Variants in TMED3 observed in about 807,000 individuals in gnomAD.
The protein encoded by TMED3 is transmembrane p24 trafficking protein 3.
Under a neutral mutation model 15.0 loss-of-function variants are expected in TMED3, and 9 were observed. The ratio of observed to expected loss-of-function variants is 0.60; its 90% CI spans 0.36 to 1.04. TMED3 has a LOEUF of 1.04. TMED3 is among the 50% of genes least tolerant of loss of function. The pLI is 0.01. For missense variants in TMED3, 267 were observed against 278.9 expected (o/e 0.96, Z 0.30); for synonymous variants, 117 against 121.4 (o/e 0.96, Z 0.24).
At chr15:79,376,115 T>G (rs1439720029) in intron 2 of TMED3, among the ~76,000 whole-genome samples, 14 of 91,968 alleles carry the variant, frequency 1.5e-4, no homozygotes, top group Non-Finnish European at 2.6e-4. Context: ...TTTTTTTTTT[T>G]TTTTTTTTTT....
chr15:79,341,195 C>CAAAAAAAA (rs58885572), intron 2 of TMED3, among the ~76,000 whole-genome samples: 1 of 58,340 alleles, frequency 1.7e-5, no homozygotes, highest in Non-Finnish European at 2.8e-5. Context: ...GACCCTGTCT[C>CAAAAAAAA]AAAAAAAAAA....
Position 79,384,198 on chromosome 15 carries a change from C to G in TMED3, c.418-27202C>G, listed in dbSNP as rs138668155. The G allele has an allele frequency of 1.8e-3, 270 of 152,322 alleles. 3 individuals are homozygous for G. Among genetic ancestry groups the G allele is most frequent in the African/African-American group, 6.3e-3 (261 of 41,570 alleles). The allele number at this position is 152,322 out of a possible 1,614,324, so 9.4% of individuals were successfully genotyped here. ...CTTCAACAGTCCAAAACCTCCAGAA[C>G]TCTCTCGAGGCAGTGATTAATACTA... On this transcript the variant is annotated intron_variant, in intron 2 of 2. Transcript: ENST00000424155.
At chr15:79,385,435 G>A (rs980511923) in intron 2 of TMED3, among the ~76,000 whole-genome samples, 2 of 152,166 alleles carry the variant, frequency 1.3e-5, no homozygotes, top group Admixed American at 6.5e-5. Context: ...CCCAGTTGCC[G>A]GTGGCTGGCT....
intron 2 of TMED3, among the ~76,000 whole-genome samples, chr15:79,392,896 G>T (rs1339755571): frequency 6.6e-6 from 1 of 152,198 alleles, no homozygotes; most frequent in Non-Finnish European, 1.5e-5. Context: ...GTTCACTTCT[G>T]ATTCATCCTT....
At chr15:79,339,322 G>A (rs1485132664) in intron 2 of TMED3, among the ~76,000 whole-genome samples, 3 of 152,010 alleles carry the variant, frequency 2.0e-5, no homozygotes, top group African/African-American at 7.3e-5. Context: ...CCTGGCATTC[G>A]GGGCCTCTAC....
chr15:79,313,927 C>T lies in TMED3; in HGVS notation c.339C>T (p.Thr113=), dbSNP rs760976711. The T allele has an allele frequency of 1.8e-5, 29 of 1,614,078 alleles. No homozygotes were observed. Among genetic ancestry groups the T allele is most frequent in the African/African-American group, 5.3e-5 (4 of 74,908 alleles). The change falls in exon 2 of 3, where the codon ACC becomes ACT. Residue 113 remains threonine, a synonymous_variant. Transcript: ENST00000299705. ...SNEFSTFSHK[T]VYFDFQVGDE... ...AGTTTTCCACCTTCTCTCACAAGAC[C>T]GTCTACTTTGACTTTCAAGTGGGCG...
At chr15:79,397,700 A>G (rs1893778528) in intron 2 of TMED3, among the ~76,000 whole-genome samples, 1 of 152,194 alleles carries the variant, frequency 6.6e-6, no homozygotes, top group African/African-American at 2.4e-5. Context: ...TTACATTACT[A>G]CAGTCAATAT....
Position 79,311,414 on chromosome 15 carries a change from C to T in TMED3, c.165C>T (p.Tyr55=), listed in dbSNP as rs752726707. The T allele has an allele frequency of 7.5e-6, 12 of 1,605,996 alleles. No individual in the cohort carries two copies. The highest frequency in any genetic ancestry group is 1.0e-5 in the Non-Finnish European group (12 of 1,176,290). Residue 55 remains tyrosine (Y), a synonymous_variant, in exon 1 of 3, where the codon TAC becomes TAT. Transcript: ENST00000299705. ...AGGGCGTGAAGTTCTCCCTGGATTA[C>T]CAGGTGAGGCCGGGCGCCCGGCAGC... is the stretch of plus-strand genomic sequence containing the variant. ...VEQGVKFSLD[Y]QVITGGHYDV...
intron 2 of TMED3, among the ~76,000 whole-genome samples, chr15:79,393,645 T>C (rs1893725145): frequency 1.3e-5 from 2 of 152,220 alleles, no homozygotes; most frequent in African/African-American, 4.8e-5. Flanking sequence ...CAGCAAATGA[T>C]AAATGCCTAG....
chr15:79,325,524 G>C (rs2058784072), downstream of TMED3, among the ~76,000 whole-genome samples: 1 of 152,138 alleles, frequency 6.6e-6, no homozygotes, highest in Non-Finnish European at 1.5e-5. Context: ...ACGTGTATTA[G>C]GGTTCTCCAG....
At chr15:79,336,470 C>G (rs898041737) in intron 2 of TMED3, among the ~76,000 whole-genome samples, 3 of 152,058 alleles carry the variant, frequency 2.0e-5, no homozygotes, top group Non-Finnish European at 4.4e-5. Context: ...CCAGCCTGGC[C>G]AACATGGTGA....
intron 2 of TMED3, among the ~76,000 whole-genome samples, chr15:79,390,883 G>A (rs574994803): frequency 9.7e-4 from 148 of 152,120 alleles, no homozygotes; most frequent in African/African-American, 3.3e-3. Flanking sequence ...GGTGTTCATA[G>A]TAGCCTTGAA....
At chr15:79,377,231 G>C (rs1893440840) in intron 2 of TMED3, among the ~76,000 whole-genome samples, 1 of 151,324 alleles carries the variant, frequency 6.6e-6, no homozygotes, top group Non-Finnish European at 1.5e-5. Context: ...TGTCATCCTA[G>C]GTATTCAAAA....
chr15:79,328,381 A>T (rs2058795116), intron 2 of TMED3, among the ~76,000 whole-genome samples: 1 of 152,242 alleles, frequency 6.6e-6, no homozygotes, highest in African/African-American at 2.4e-5. Context: ...TTATAAAGTA[A>T]TCTTTCAGGC....
rs2141218734 is a variant in TMED3, at chr15:79,322,643, T to A, written c.*429T>A. The A allele has an allele frequency of 1.0e-6, 1 of 991,162 alleles. No homozygotes were observed. Among genetic ancestry groups the A allele is most frequent in the South Asian group, 4.6e-5 (1 of 21,520 alleles). 61.4% of individuals were successfully genotyped at this position (991,162 alleles called of 1,614,324 possible). On this transcript the variant is annotated 3_prime_UTR_variant, in exon 3 of 3. Coordinates refer to ENST00000299705, the MANE Select transcript of TMED3 (RefSeq NM_007364.4). ...AGAAAGGGGCTCTAAGTTCTGGCTCTTCTTTCTTTGGGGTTCTCTGTACCT... is the reference window on the plus strand; with the variant it reads ...AGAAAGGGGCTCTAAGTTCTGGCTCATCTTTCTTTGGGGTTCTCTGTACCT...
chr15:79,411,274 A>C (rs1893975289), intron 2 of TMED3: 1 of 576,464 alleles, frequency 1.7e-6, no homozygotes, highest in Non-Finnish European at 3.2e-6. Flanking sequence ...CAATAAAGGT[A>C]AATTCTTCCA....
Position 79,322,811 on chromosome 15 carries a change from T to C in TMED3, c.*597T>C, listed in dbSNP as rs150656724. The C allele has an allele frequency of 4.9e-4, 481 of 985,518 alleles. 4 individuals are homozygous for C. The African/African-American group carries it at 7.4e-3, about 15-fold the overall frequency. 61.0% of individuals were successfully genotyped at this position (985,518 alleles called of 1,614,324 possible). A position where few individuals can be genotyped will look rare whatever the true frequency, so the allele number is the denominator to read the frequency against. On this transcript the variant is annotated 3_prime_UTR_variant, in exon 3 of 3. Transcript: ENST00000299705. ...TAGGAGGTAGAAAACTGTGGGAAACTGTGGCTAATAAAAACTAAGTGTGAG... is the reference window on the plus strand; with the variant it reads ...TAGGAGGTAGAAAACTGTGGGAAACCGTGGCTAATAAAAACTAAGTGTGAG...
At chr15:79,372,258 G>T (rs552121083) in intron 2 of TMED3, among the ~76,000 whole-genome samples, 4 of 152,324 alleles carry the variant, frequency 2.6e-5, no homozygotes, top group Admixed American at 6.5e-5. Flanking sequence ...CTTTGCCAGG[G>T]TGGAGAATTT....
downstream of TMED3, among the ~76,000 whole-genome samples, chr15:79,325,588 A>C (rs2058784286): frequency 6.6e-6 from 1 of 152,172 alleles, no homozygotes; most frequent in African/African-American, 2.4e-5. Flanking sequence ...TATTAAGGAG[A>C]ATTGACTCAC....
Sources: gnomAD v4.1 joint callset for allele counts (sites outside exome capture counted in the v4.1 genomes callset) on GRCh38, gnomAD v4.1.1 for gene constraint, MANE v1.5 for transcripts, NCBI Gene and HGNC (gene_info 2026-07-23, HGNC 2026-07-21) for gene names.